Variants in CLIC6 observed in about 807,000 individuals in gnomAD.
The protein encoded by CLIC6 is chloride intracellular channel protein 6.
A neutral mutation model predicts 49.2 loss-of-function variants in CLIC6; 39 were observed. The observed-to-expected ratio is 0.79, with a 90% CI of 0.61 to 1.04. The LOEUF (loss-of-function observed/expected upper bound fraction) is 1.04, where lower values mean the gene tolerates loss of function less well. CLIC6 is among the 50% of genes least tolerant of loss of function. CLIC6 has a pLI of 0.00. For missense variants in CLIC6, 988 were observed against 993.1 expected, an observed-to-expected ratio of 0.99 and a Z score of 0.07; for synonymous variants, 446 against 433.4, an observed-to-expected ratio of 1.03 and a Z score of -0.36.
Position 34,670,237 on chromosome 21 carries a change from G to C in CLIC6, c.849G>C (p.Glu283Asp). 7.0e-7 allele frequency: 1 copy of C among 1,423,920 alleles called. No individual in the cohort carries two copies. The highest frequency in any genetic ancestry group is 9.1e-7 in the Non-Finnish European group (1 of 1,096,272). The allele number at this position is 1,423,920 out of a possible 1,614,324, so 88.2% of individuals were successfully genotyped here. ...CGGCGGGGGACAGCATGGACGCCGA[G>C]GGTCCGGCAGGAAGGGCGCGCCGGG... The part of the protein sequence containing the change: ...EGPAGDSMDA[E>D]GPAGRARRVS... Residue 283 changes from glutamate (E) to aspartate (D), a missense_variant, in exon 1 of 6, where the codon GAG (glutamate) becomes GAC (aspartate). Around this residue, in one of 3 missense-constraint regions of CLIC6, gnomAD observed 647 missense variants for 596.9 expected, o/e 1.08. Transcript: ENST00000349499.
intron 1 of CLIC6, among the ~76,000 whole-genome samples, chr21:34,701,157 CCGGGCGCGGTGG>C: frequency 6.8e-6 from 1 of 145,990 alleles, no homozygotes; most frequent in Non-Finnish European, 1.5e-5. Context: ...AAAAAATTAG[CCGGGCGCGGTGG>C]CGGGCGCCTG....
chr21:34,670,594 C>T lies in CLIC6; in HGVS notation c.1206C>T (p.Ala402=). The T allele has an allele frequency of 6.5e-7, 1 of 1,535,994 alleles. No homozygotes were observed. The highest frequency in any genetic ancestry group is 1.4e-5 in the African/African-American group (1 of 72,630). ...CCGACAGCAGCCCACATGGGGAGGC[C>T]TCCAGGGGCGCCGCGGAGCCTGAGG... is the stretch of plus-strand genomic sequence containing the variant. ...ESPDSSPHGE[A]SRGAAEPEAQ... The change falls in exon 1 of 6, where the codon GCC becomes GCT. Residue 402 remains alanine (A), a synonymous_variant. Coordinates refer to ENST00000349499, the MANE Select transcript of CLIC6 (RefSeq NM_053277.3).
At chr21:34,714,743 T>C (rs1156414037) in intron 5 of CLIC6, among the ~76,000 whole-genome samples, 1 of 149,484 alleles carries the variant, frequency 6.7e-6, no homozygotes, top group Non-Finnish European at 1.5e-5. Context: ...AATTCCTATA[T>C]ATTTAAATTT....
At chr21:34,670,872 T>G (rs534831369) in intron 1 of CLIC6, 110 bp downstream of exon 1, 6 of 1,222,928 alleles carry the variant, frequency 4.9e-6, no homozygotes, top group East Asian at 5.7e-5. Flanking sequence ...GTATCCTGAT[T>G]GTCATCAGGC....
At chr21:34,710,605 A>T (rs2056049935) in intron 5 of CLIC6, among the ~76,000 whole-genome samples, 1 of 152,104 alleles carries the variant, frequency 6.6e-6, no homozygotes, top group Admixed American at 6.5e-5. Flanking sequence ...CGAAGTCAGG[A>T]GATCGAGACC....
rs1446407616 is a variant in CLIC6, at chr21:34,708,823, C to G, written c.1717+17C>G. ...CAAATGAGAGTGAGTACCTCCCATCCTCCTGTTTTGTTTCAACACAGACTT... is the reference window on the plus strand; with the variant it reads ...CAAATGAGAGTGAGTACCTCCCATCGTCCTGTTTTGTTTCAACACAGACTT... On this transcript the variant is annotated intron_variant, in intron 4 of 5. Coordinates refer to ENST00000349499, the MANE Select transcript of CLIC6 (RefSeq NM_053277.3). The G allele has an allele frequency of 1.3e-6, 2 of 1,564,176 alleles. No homozygotes were observed. The highest frequency in any genetic ancestry group is 2.2e-5 in the East Asian group (1 of 44,466).
Position 34,700,404 on chromosome 21 carries a change from G to A in CLIC6, c.1375-6876G>A, listed in dbSNP as rs1331174495. Among the ~76,000 whole-genome samples the A allele has an allele frequency of 4.8e-5, 6 of 125,208 alleles. 1 individual carries two copies. In the South Asian group the frequency reaches 7.5e-4, roughly 16 times the overall value. The allele number at this position is 125,208 out of a possible 152,430, so 82.1% of individuals were successfully genotyped here. A position where few individuals can be genotyped will look rare whatever the true frequency, so the allele number is the denominator to read the frequency against. ...GGAGCTTGCAGTGAGCCGAGATCGC[G>A]CCACCGCACTCCAGCCTGGGCGACA... On this transcript the variant is annotated intron_variant, in intron 1 of 5. Transcript: ENST00000349499.
intron 1 of CLIC6, among the ~76,000 whole-genome samples, chr21:34,681,126 T>C (rs565171196): frequency 2.2e-4 from 34 of 152,342 alleles, no homozygotes; most frequent in African/African-American, 7.9e-4. Context: ...TGACTGACAG[T>C]TCCGCATGGC....
At chr21:34,699,400 T>C (rs919980072) in intron 1 of CLIC6, among the ~76,000 whole-genome samples, 2 of 149,108 alleles carry the variant, frequency 1.3e-5, no homozygotes, top group Non-Finnish European at 3.0e-5. Flanking sequence ...TACAGGCGCA[T>C]GTCACCATAC....
At chr21:34,715,435 G>C (rs2056080517) in intron 5 of CLIC6, among the ~76,000 whole-genome samples, 1 of 152,166 alleles carries the variant, frequency 6.6e-6, no homozygotes, top group South Asian at 2.1e-4. Context: ...AGTTATGCTT[G>C]CACAGCCAAG....
At position 34,669,186 on chromosome 21, in the gene CLIC6, G is replaced by T. The variant is rs967144113; in HGVS notation, c.-203G>T. Among the ~76,000 whole-genome samples the T allele has an allele frequency of 6.6e-6, 1 of 152,270 alleles. No homozygotes were observed. Among genetic ancestry groups the T allele is most frequent in the Non-Finnish European group, 1.5e-5 (1 of 68,042 alleles). Reference sequence around the variant, plus strand: ...GGAGTTTCAGCTGGGCAGAAGGGGCGCAGAGGCTTGGGGCCAAGCGGAGTT... The same window carrying T: ...GGAGTTTCAGCTGGGCAGAAGGGGCTCAGAGGCTTGGGGCCAAGCGGAGTT... On this transcript the variant is annotated 5_prime_UTR_variant, in exon 1 of 6. Transcript: ENST00000349499.
In CLIC6 at chr21:34,670,645, G is replaced by C. The variant is rs1405059602; in HGVS notation, c.1257G>C (p.Glu419Asp). 6 of 1,558,106 alleles carry C rather than the reference G, an allele frequency of 3.9e-6. No homozygotes were observed. The highest frequency in any genetic ancestry group is 4.3e-6 in the Non-Finnish European group (5 of 1,154,182). ...CCCAGCTCAGCAACCACCTGGCCGA[G>C]GAGGGCCCCGCCGAGGGTAGCGGCG... ...PEAQLSNHLA[E>D]EGPAEGSGEA... The change falls in exon 1 of 6, where the codon GAG becomes GAC. Residue 419 changes from glutamate (E) to aspartate (D), a missense_variant. By Grantham distance (45) the Glu-to-Asp change is conservative (BLOSUM62 2). Transcript: ENST00000349499.
chr21:34,674,366 A>G (rs900519713), intron 1 of CLIC6, among the ~76,000 whole-genome samples: 1 of 152,244 alleles, frequency 6.6e-6, no homozygotes. Context: ...TGCTGGGATT[A>G]TAGGCACAAG....
At position 34,669,780 on chromosome 21, in the gene CLIC6, A is replaced by T; in HGVS notation, c.392A>T (p.Asp131Val). 1 of 1,421,972 alleles carries T rather than the reference A, an allele frequency of 7.0e-7. No individual in the cohort carries two copies. Among genetic ancestry groups the T allele is most frequent in the Non-Finnish European group, 9.1e-7 (1 of 1,099,002 alleles). The allele number at this position is 1,421,972 out of a possible 1,614,324, so 88.1% of individuals were successfully genotyped here. ...GGGGAGGCTCAGAGGGAGCCCGAGGACTCTGCGGCCCCCGAGAGGCAGGAG... is the reference window on the plus strand; with the variant it reads ...GGGGAGGCTCAGAGGGAGCCCGAGGTCTCTGCGGCCCCCGAGAGGCAGGAG... ...PRGEAQREPE[D>V]SAAPERQEEA... The change falls in exon 1 of 6, where the codon GAC becomes GTC. Residue 131 changes from aspartate (D) to valine (V), a missense_variant. Physicochemically the swap from Asp to Val is radical, Grantham distance 152. Coordinates refer to ENST00000349499, the MANE Select transcript of CLIC6 (RefSeq NM_053277.3).
chr21:34,710,987 T>C (rs946282453), intron 5 of CLIC6, among the ~76,000 whole-genome samples: 40 of 152,124 alleles, frequency 2.6e-4, no homozygotes, highest in African/African-American at 8.9e-4. Flanking sequence ...ACAGCAGCGC[T>C]CCCAGCCGCT....
At chr21:34,682,800 C>CTTT (rs1402875722) in intron 1 of CLIC6, among the ~76,000 whole-genome samples, 9 of 79,962 alleles carry the variant, frequency 1.1e-4, no homozygotes, top group Admixed American at 1.5e-4. Flanking sequence ...CCTTTCCCTC[C>CTTT]ATTTTTTTTT....
chr21:34,687,239 G>T (rs1989899798), intron 1 of CLIC6, among the ~76,000 whole-genome samples: 1 of 152,112 alleles, frequency 6.6e-6, no homozygotes, highest in Non-Finnish European at 1.5e-5. Flanking sequence ...CTTCCATTTG[G>T]TGCCTGCATT....
At chr21:34,694,105 TG>T (rs1425563384) in intron 1 of CLIC6, among the ~76,000 whole-genome samples, 1 of 150,042 alleles carries the variant, frequency 6.7e-6, no homozygotes, top group Non-Finnish European at 1.5e-5. Context: ...CCCAAGTAGC[TG>T]GGGACTACAG....
At chr21:34,702,956 T>C (rs2055990144) in intron 1 of CLIC6, among the ~76,000 whole-genome samples, 1 of 152,144 alleles carries the variant, frequency 6.6e-6, no homozygotes, top group Non-Finnish European at 1.5e-5. Context: ...CCTCCTCTGG[T>C]CACCTACTGT....
Sources: gnomAD v4.1 joint callset for allele counts (sites outside exome capture counted in the v4.1 genomes callset) on GRCh38, gnomAD v4.1.1 for gene constraint, gnomAD v4.1.1 regional missense constraint, MANE v1.5 for transcripts, NCBI Gene and HGNC (gene_info 2026-07-23, HGNC 2026-07-21) for gene names.